Variants in FAM184A observed in about 807,000 individuals in gnomAD.
The protein encoded by FAM184A is family with sequence similarity 184 member A, also known as protein FAM184A.
In FAM184A, 99 loss-of-function variants were observed where a neutral mutation model predicts 143.8. The observed-to-expected ratio is 0.69, with a 90% CI of 0.58 to 0.81. The LOEUF is 0.81. Among genes scored for constraint, FAM184A ranks in the 40% least tolerant of loss-of-function variants. The probability of loss-of-function intolerance (pLI) is 0.00; values close to 1 mark genes in which losing one functional copy is unlikely to be tolerated. For missense variants in FAM184A, 1,217 were observed against 1,310.5 expected, an observed-to-expected ratio of 0.93 and a Z score of 1.10; for synonymous variants, 427 against 446.4, an observed-to-expected ratio of 0.96 and a Z score of 0.55.
At chr6:119,076,965 G>A (rs1175733576) in intron 1 of FAM184A, among the ~76,000 whole-genome samples, 6 of 152,174 alleles carry the variant, frequency 3.9e-5, no homozygotes, top group African/African-American at 1.4e-4. Context: ...CGTTGGTTGA[G>A]TTTTACTGTT....
chr6:119,112,801 G>A (rs960677504), intron 1 of FAM184A, among the ~76,000 whole-genome samples: 2 of 152,174 alleles, frequency 1.3e-5, no homozygotes, highest in African/African-American at 4.8e-5. Context: ...AATTGAGAAA[G>A]ATAGTTAAAA....
chr6:119,050,567 G>C (rs900723017), intron 1 of FAM184A, among the ~76,000 whole-genome samples: 2 of 151,750 alleles, frequency 1.3e-5, no homozygotes, highest in Non-Finnish European at 2.9e-5. Flanking sequence ...AGCACTTTGG[G>C]AGGCTGAGGC....
rs191353034 is a variant in FAM184A at position 119,000,859 on chromosome 6, T to C, written c.2088+2040A>G. Reference sequence around the variant, plus strand: ...CTTATGTGCTGAATGCTGCTGGCCTTGCGGGGCTAAAGGAAATGAGTGAGA... The same window carrying C: ...CTTATGTGCTGAATGCTGCTGGCCTCGCGGGGCTAAAGGAAATGAGTGAGA... On this transcript the variant is annotated intron_variant, in intron 9 of 17. Transcript: ENST00000338891. 2.5e-3 allele frequency among the ~76,000 whole-genome samples: 376 copies of C among 151,900 alleles called. 3 individuals are homozygous for C. The highest frequency in any genetic ancestry group is 8.9e-3 in the African/African-American group (370 of 41,430).
intron 1 of FAM184A, among the ~76,000 whole-genome samples, chr6:119,119,015 T>C (rs1251968661): frequency 6.6e-6 from 1 of 152,190 alleles, no homozygotes; most frequent in Non-Finnish European, 1.5e-5. Flanking sequence ...AACGGCCCCC[T>C]TGGGTGCGGC....
chr6:119,048,658 G>T (rs1303071686), intron 1 of FAM184A, among the ~76,000 whole-genome samples: 2 of 152,068 alleles, frequency 1.3e-5, no homozygotes, highest in Non-Finnish European at 2.9e-5. Flanking sequence ...AAATACCTAA[G>T]AATACCTGTA....
At chr6:119,108,572 C>G (rs952457923) in intron 1 of FAM184A, among the ~76,000 whole-genome samples, 1 of 152,108 alleles carries the variant, frequency 6.6e-6, no homozygotes, top group Non-Finnish European at 1.5e-5. Context: ...GACTGTCTAC[C>G]TTTTCAAATC....
At chr6:119,090,546 A>G (rs991059278) in intron 1 of FAM184A, among the ~76,000 whole-genome samples, 2 of 152,222 alleles carry the variant, frequency 1.3e-5, no homozygotes, top group Non-Finnish European at 2.9e-5. Context: ...CCTACAATCT[A>G]TCCCTTACCT....
At chr6:119,069,122 G>A (rs374643240) in intron 1 of FAM184A, 15 of 327,660 alleles carry the variant, frequency 4.6e-5, no homozygotes, top group African/African-American at 2.4e-4. Context: ...TTACTTTTGC[G>A]CCAACCTAAA....
At chr6:119,022,394 A>G (rs886800115) in intron 3 of FAM184A, among the ~76,000 whole-genome samples, 3 of 151,382 alleles carry the variant, frequency 2.0e-5, no homozygotes, top group Non-Finnish European at 4.4e-5. Flanking sequence ...TTGGTATTTT[A>G]CCTGCTATTG....
chr6:119,011,964 C>T (rs554960425), intron 5 of FAM184A, among the ~76,000 whole-genome samples: 3 of 152,260 alleles, frequency 2.0e-5, no homozygotes, highest in Non-Finnish European at 4.4e-5. Context: ...AGATATGGAG[C>T]CTGCCCTTAA....
intron 1 of FAM184A, among the ~76,000 whole-genome samples, chr6:119,073,162 C>T (rs1459113754): frequency 6.6e-6 from 1 of 152,164 alleles, no homozygotes; most frequent in Admixed American, 6.5e-5. Flanking sequence ...AATGCTAACG[C>T]ACAGCAAGGA....
intron 1 of FAM184A, among the ~76,000 whole-genome samples, chr6:119,052,788 G>A (rs945382436): frequency 1.3e-5 from 2 of 152,162 alleles, no homozygotes; most frequent in African/African-American, 4.8e-5. Context: ...TATAGGTAGA[G>A]GCTTTGTGCA....
At chr6:119,006,261 C>T (rs1414594347) in intron 7 of FAM184A, 186 bp downstream of exon 7, 2 of 756,586 alleles carry the variant, frequency 2.6e-6, no homozygotes, top group Non-Finnish European at 4.7e-6. Flanking sequence ...CTTCTAGCCT[C>T]CAGAGCTATG....
intron 1 of FAM184A, among the ~76,000 whole-genome samples, chr6:119,138,620 ATTATTATTATTATTATTATTT>A (rs1271514610): frequency 1.8e-5 from 2 of 114,262 alleles, no homozygotes; most frequent in African/African-American, 1.2e-4. Flanking sequence ...TATTATTATT[ATTATTATTATTATTATTATTT>A]TTGAGACGGA....
chr6:119,131,234 G>A (rs978600906), intron 1 of FAM184A, among the ~76,000 whole-genome samples: 1 of 152,118 alleles, frequency 6.6e-6, no homozygotes. Flanking sequence ...TCCTCCATCT[G>A]AAGACGTAAA....
chr6:119,063,768 C>T (rs559267672), intron 1 of FAM184A, among the ~76,000 whole-genome samples: 167 of 152,046 alleles, frequency 1.1e-3, no homozygotes, highest in South Asian at 1.9e-3. Flanking sequence ...AAAAAAAATG[C>T]GTCTTATTTT....
chr6:119,026,751 AC>A (rs1785648231), intron 1 of FAM184A, among the ~76,000 whole-genome samples: 1 of 152,184 alleles, frequency 6.6e-6, no homozygotes, highest in Non-Finnish European at 1.5e-5. Flanking sequence ...GTGATACTAT[AC>A]CAAGAGTCAG....
intron 1 of FAM184A, among the ~76,000 whole-genome samples, chr6:119,132,973 C>T (rs976738326): frequency 3.9e-5 from 6 of 152,170 alleles, no homozygotes; most frequent in African/African-American, 9.7e-5. Flanking sequence ...AGGCAAAGAG[C>T]GAAATCAGAT....
chr6:118,970,324 T>A (rs1430214363), intron 14 of FAM184A, among the ~76,000 whole-genome samples: 8 of 151,872 alleles, frequency 5.3e-5, no homozygotes, highest in African/African-American at 2.4e-5. Flanking sequence ...TATCTTAAAT[T>A]GCCTTCATAA....
Sources: allele counts gnomAD v4.1 joint callset (sites outside exome capture counted in the v4.1 genomes callset), GRCh38; gene constraint gnomAD v4.1.1; transcripts MANE v1.5; gene names NCBI Gene and HGNC (gene_info 2026-07-23, HGNC 2026-07-21).